Variants in P2RY2 observed in about 807,000 individuals in gnomAD.
P2RY2 encodes the protein P2Y purinoceptor 2.
For missense variants in P2RY2, 567 were observed against 515.7 expected (o/e 1.10, Z -0.96); for synonymous variants, 241 against 231.9 (o/e 1.04, Z -0.35).
At position 73,237,033 on chromosome 11, in the gene P2RY2, C is replaced by T. The variant is rs1862671235; in HGVS notation, c.*1740C>T. 1.0e-6 allele frequency: 1 copy of T among 985,294 alleles called. No individual in the cohort carries two copies. Among genetic ancestry groups the T allele is most frequent in the African/African-American group, 1.7e-5 (1 of 57,236 alleles). The allele number at this position is 985,294 out of a possible 1,614,324, so 61.0% of individuals were successfully genotyped here. On this transcript the variant is annotated 3_prime_UTR_variant, in exon 3 of 3. Coordinates refer to ENST00000393597, the MANE Select transcript of P2RY2 (RefSeq NM_002564.4). ...CCCTCTGACCTCTCCACCCTTCCCACTCTGCCTTGTGAAAGGCAGGACATC... is the reference window on the plus strand; with the variant it reads ...CCCTCTGACCTCTCCACCCTTCCCATTCTGCCTTGTGAAAGGCAGGACATC...
intron 2 of P2RY2, among the ~76,000 whole-genome samples, chr11:73,230,370 A>G (rs1862415369): frequency 6.6e-6 from 1 of 151,592 alleles, no homozygotes; most frequent in South Asian, 2.1e-4. Context: ...GCTCACCACA[A>G]TCACCTCCAC....
Position 73,234,820 on chromosome 11 carries a change from A to G in P2RY2, c.661A>G (p.Met221Val). The change falls in exon 3 of 3, where the codon ATG becomes GTG. Residue 221 changes from methionine to valine, a missense_variant. Physicochemically the swap from Met to Val is conservative, Grantham distance 21 (BLOSUM62 1). Transcript: ENST00000393597. ...FAVILVCYVL[M>V]ARRLLKPAYG... ...CGTCATCCTTGTCTGTTACGTGCTC[A>G]TGGCTCGGCGACTGCTAAAGCCAGC... is the stretch of plus-strand genomic sequence containing the variant. 1 of 1,611,538 alleles carries G rather than the reference A, an allele frequency of 6.2e-7. No individual in the cohort carries two copies. Among genetic ancestry groups the G allele is most frequent in the East Asian group, 2.2e-5 (1 of 44,854 alleles).
In P2RY2 at chr11:73,234,904, G is replaced by C. The variant is rs199548052; in HGVS notation, c.745G>C (p.Val249Leu). ...AKRKSVRTIAVVLAVFALCFL... is the reference protein window; with the variant it reads ...AKRKSVRTIALVLAVFALCFL... ...GCGCAAGTCCGTGCGCACCATCGCC[G>C]TGGTGCTGGCTGTCTTCGCCCTCTG... The change falls in exon 3 of 3, where the codon GTG (valine) becomes CTG (leucine). Residue 249 changes from valine (V) to leucine (L), a missense_variant. Transcript: ENST00000393597. The C allele has an allele frequency of 6.2e-7, 1 of 1,610,820 alleles. No homozygotes were observed. Among genetic ancestry groups the C allele is most frequent in the South Asian group, 1.1e-5 (1 of 91,082 alleles).
intron 1 of P2RY2, 35 bp from the exon 2 acceptor site, chr11:73,227,946 G>C (rs559380638): frequency 6.6e-6 from 1 of 152,212 alleles, no homozygotes; most frequent in Non-Finnish European, 1.5e-5. Context: ...CCATGACCCT[G>C]AGACCGCACT....
intron 2 of P2RY2, among the ~76,000 whole-genome samples, chr11:73,229,320 A>G (rs1034331858): frequency 1.2e-4 from 18 of 152,130 alleles, no homozygotes; most frequent in Non-Finnish European, 2.1e-4. Flanking sequence ...AGGGTCTTAC[A>G]AGGCTCACAT....
Position 73,235,496 on chromosome 11 carries a change from G to A in P2RY2, c.*203G>A. The A allele has an allele frequency of 7.6e-7, 1 of 1,313,418 alleles. No individual in the cohort carries two copies. The highest frequency in any genetic ancestry group is 9.7e-7 in the Non-Finnish European group (1 of 1,028,084). 81.4% of individuals were successfully genotyped at this position (1,313,418 alleles called of 1,614,324 possible). Reference sequence around the variant, plus strand: ...CCCATAACCCCTAGTCATCGTTTGTGTGTATAAGTTGGGGGAATTAAGTTT... The same window carrying A: ...CCCATAACCCCTAGTCATCGTTTGTATGTATAAGTTGGGGGAATTAAGTTT... On this transcript the variant is annotated 3_prime_UTR_variant, in exon 3 of 3. Transcript: ENST00000393597.
chr11:73,235,863 A>C lies in P2RY2; in HGVS notation c.*570A>C. 1 of 1,000,536 alleles carries C rather than the reference A, an allele frequency of 1.0e-6. No individual in the cohort carries two copies. Among genetic ancestry groups the C allele is most frequent in the South Asian group, 4.7e-5 (1 of 21,284 alleles). 62.0% of individuals were successfully genotyped at this position (1,000,536 alleles called of 1,614,324 possible). A position where few individuals can be genotyped will look rare whatever the true frequency, so the allele number is the denominator to read the frequency against. On this transcript the variant is annotated 3_prime_UTR_variant, in exon 3 of 3. Transcript: ENST00000393597. ...ATCTGGGGACTAATATCATAGACCC[A>C]TCTGGAGGCTCCCATGGGCTAGGAG...
chr11:73,221,253 A>G (rs1442443904), intron 1 of P2RY2, among the ~76,000 whole-genome samples: 1 of 152,116 alleles, frequency 6.6e-6, no homozygotes, highest in Non-Finnish European at 1.5e-5. Context: ...GATTTACAAC[A>G]ATCCATTTTG....
Position 73,236,055 on chromosome 11 carries a change from G to T in P2RY2, c.*762G>T. On this transcript the variant is annotated 3_prime_UTR_variant, in exon 3 of 3. Coordinates refer to ENST00000393597, the MANE Select transcript of P2RY2 (RefSeq NM_002564.4). ...ACCTGCCTTCTCACTAGCTGTCTCAGGAGTAGTCTCATATCAGGGATCCTC... is the reference window on the plus strand; with the variant it reads ...ACCTGCCTTCTCACTAGCTGTCTCATGAGTAGTCTCATATCAGGGATCCTC... 1 of 998,898 alleles carries T rather than the reference G, an allele frequency of 1.0e-6. No individual in the cohort carries two copies. The highest frequency in any genetic ancestry group is 1.2e-6 in the Non-Finnish European group (1 of 828,786). The allele number at this position is 998,898 out of a possible 1,614,324, so 61.9% of individuals were successfully genotyped here. A position where few individuals can be genotyped will look rare whatever the true frequency, so the allele number is the denominator to read the frequency against.
At chr11:73,230,225 C>T (rs1293222737) in intron 2 of P2RY2, among the ~76,000 whole-genome samples, 1 of 152,062 alleles carries the variant, frequency 6.6e-6, no homozygotes, top group Non-Finnish European at 1.5e-5. Flanking sequence ...CCCATACTTG[C>T]CATGGCTGAC....
At position 73,235,410 on chromosome 11, in the gene P2RY2, C is replaced by G; in HGVS notation, c.*117C>G. On this transcript the variant is annotated 3_prime_UTR_variant, in exon 3 of 3. Coordinates refer to ENST00000393597, the MANE Select transcript of P2RY2 (RefSeq NM_002564.4). ...CATCAGTGACTCATGCTGGATGACC[C>G]CATGCTCCGTCATTTGACAGGGGCT... is the stretch of plus-strand genomic sequence containing the variant. The G allele has an allele frequency of 1.4e-6, 2 of 1,465,700 alleles. No homozygotes were observed. 90.8% of individuals were successfully genotyped at this position (1,465,700 alleles called of 1,614,324 possible).
rs1862657919 is a variant in P2RY2, at chr11:73,236,537, C to T, written c.*1244C>T. Reference sequence around the variant, plus strand: ...CGGAAGAACATCCACACACAGGATGCATCCCAGGCAAAGACATGGGGCAAG... The same window carrying T: ...CGGAAGAACATCCACACACAGGATGTATCCCAGGCAAAGACATGGGGCAAG... On this transcript the variant is annotated 3_prime_UTR_variant, in exon 3 of 3. Coordinates refer to ENST00000393597, the MANE Select transcript of P2RY2 (RefSeq NM_002564.4). 2.0e-6 allele frequency: 2 copies of T among 981,964 alleles called. No homozygotes were observed. Among genetic ancestry groups the T allele is most frequent in the South Asian group, 4.7e-5 (1 of 21,192 alleles). 60.8% of individuals were successfully genotyped at this position (981,964 alleles called of 1,614,324 possible).
intron 2 of P2RY2, 25 bp downstream of exon 2, chr11:73,228,200 A>T (rs557215226): frequency 1.1e-4 from 4 of 35,024 alleles, no homozygotes; most frequent in Non-Finnish European, 1.6e-4. Flanking sequence ...GGTGGGGGGG[A>T]GCGGGTACGC....
At chr11:73,223,993 TC>T (rs1862201940) in intron 1 of P2RY2, among the ~76,000 whole-genome samples, 1 of 152,042 alleles carries the variant, frequency 6.6e-6, no homozygotes, top group Non-Finnish European at 1.5e-5. Context: ...GTGAGTGGCC[TC>T]CACAGCCAGG....
intron 2 of P2RY2, among the ~76,000 whole-genome samples, chr11:73,230,083 A>G (rs1862404553): frequency 6.6e-6 from 1 of 151,944 alleles, no homozygotes; most frequent in Non-Finnish European, 1.5e-5. Flanking sequence ...CCTGGGAAGG[A>G]ATGTGGCCTC....
intron 2 of P2RY2, among the ~76,000 whole-genome samples, chr11:73,230,207 T>C (rs916789142): frequency 6.6e-6 from 1 of 152,080 alleles, no homozygotes; most frequent in Non-Finnish European, 1.5e-5. Flanking sequence ...ACCCAGCCTG[T>C]GCCCATCCCC....
In P2RY2 at chr11:73,234,401, T is replaced by G. The variant is rs770537090; in HGVS notation, c.242T>G (p.Leu81Arg). ...TTCCACCTGGCTGTGTCTGATGCAC[T>G]GTATGCGGCCTCCCTGCCGCTGCTG... ...YMFHLAVSDA[L>R]YAASLPLLVY... Residue 81 changes from leucine to arginine, a missense_variant, in exon 3 of 3, where the codon CTG becomes CGG. Leu to Arg is a moderately radical substitution (Grantham distance 102). Transcript: ENST00000393597. The G allele has an allele frequency of 2.0e-5, 33 of 1,614,124 alleles. No homozygotes were observed. In the Admixed American group the frequency reaches 5.3e-4, roughly 26 times the overall value.
rs1862690182 is a variant in P2RY2 at position 73,237,802 on chromosome 11, T to C, written c.*2509T>C. ...AGGCCACTTGCCTTGTGGGTGAAGTTCCTGCCCTGATGCCTCATGCTATTT... is the reference window on the plus strand; with the variant it reads ...AGGCCACTTGCCTTGTGGGTGAAGTCCCTGCCCTGATGCCTCATGCTATTT... On this transcript the variant is annotated 3_prime_UTR_variant, in exon 3 of 3. Coordinates refer to ENST00000393597, the MANE Select transcript of P2RY2 (RefSeq NM_002564.4). 6.6e-6 allele frequency among the ~76,000 whole-genome samples: 1 copy of C among 152,196 alleles called. No individual in the cohort carries two copies. Among genetic ancestry groups the C allele is most frequent in the Admixed American group, 6.5e-5 (1 of 15,286 alleles).
rs1273944529 is a variant in P2RY2, at chr11:73,233,874, AC to A, written c.-4-281del. ...ATCACAACTACTCAACTCTTTGTAA[AC>A]AGATGGGCACCGTTGTGTTCCAACA... is the stretch of plus-strand genomic sequence containing the variant. On this transcript the variant is annotated intron_variant, in intron 2 of 2. Transcript: ENST00000393597. 1.9e-5 allele frequency: 9 copies of A among 465,882 alleles called. No individual in the cohort carries two copies. In the East Asian group the frequency reaches 3.3e-4, roughly 17 times the overall value. 28.9% of individuals were successfully genotyped at this position (465,882 alleles called of 1,614,324 possible).
Sources: allele counts gnomAD v4.1 joint callset (sites outside exome capture counted in the v4.1 genomes callset), GRCh38; gene constraint gnomAD v4.1.1; transcripts MANE v1.5; gene names NCBI Gene and HGNC (gene_info 2026-07-23, HGNC 2026-07-21).